The following CLSTN2 variants were observed in gnomAD, a reference collection of about 807,000 sequenced individuals.
The protein encoded by CLSTN2 is calsyntenin 2, also known as calsyntenin-2.
A neutral mutation model predicts 101.2 loss-of-function variants in CLSTN2; 48 were observed. The ratio of observed to expected loss-of-function variants is 0.47; its 90% CI spans 0.38 to 0.60. CLSTN2 has a LOEUF of 0.60. Among genes scored for constraint, CLSTN2 ranks in the 20% least tolerant of loss-of-function variants. The pLI is 0.00. For synonymous variants in CLSTN2, 481 were observed against 463.6 expected (o/e 1.04, Z -0.48); for missense variants, 1,160 against 1,238.2 (o/e 0.94, Z 0.95).
At chr3:140,546,478 G>T in intron 9 of CLSTN2, 37 bp from the exon 10 acceptor site, 1 of 1,604,106 alleles carries the variant, frequency 6.2e-7, no homozygotes, top group South Asian at 1.1e-5. Flanking sequence ...TTCCTACCCA[G>T]TCTTCACAGG....
At position 140,466,743 on chromosome 3, in the gene CLSTN2, AC is replaced by A; in HGVS notation, c.1344+14del. The A allele has an allele frequency of 1.9e-6, 3 of 1,613,566 alleles. No homozygotes were observed. Among genetic ancestry groups the A allele is most frequent in the Non-Finnish European group, 2.5e-6 (3 of 1,179,936 alleles). ...GGAAGCTGGATCAGGTATGGTGCTC[AC>A]CTCACACCTGCTGCTACTCATGCCT... On this transcript the variant is annotated intron_variant, in intron 8 of 16. Coordinates refer to ENST00000458420, the MANE Select transcript of CLSTN2 (RefSeq NM_022131.3).
At chr3:140,243,488 G>C (rs2086488864) in intron 2 of CLSTN2, among the ~76,000 whole-genome samples, 1 of 152,212 alleles carries the variant, frequency 6.6e-6, no homozygotes, top group South Asian at 2.1e-4. Flanking sequence ...ACATGGGAAA[G>C]AAGAGGGAGG....
intron 8 of CLSTN2, among the ~76,000 whole-genome samples, chr3:140,510,630 C>T (rs937849790): frequency 6.6e-6 from 1 of 152,220 alleles, no homozygotes; most frequent in Admixed American, 6.5e-5. Flanking sequence ...CCCCTGCACT[C>T]CAGCACCCTG....
At chr3:140,114,582 C>T (rs1267553674) in intron 1 of CLSTN2, among the ~76,000 whole-genome samples, 1 of 152,042 alleles carries the variant, frequency 6.6e-6, no homozygotes, top group Non-Finnish European at 1.5e-5. Context: ...TTGTAAGATC[C>T]AGCTGATTGC....
chr3:140,158,996 G>T (rs960941988), intron 1 of CLSTN2, among the ~76,000 whole-genome samples: 1 of 152,110 alleles, frequency 6.6e-6, no homozygotes, highest in African/African-American at 2.4e-5. Flanking sequence ...AATGAAACTG[G>T]ACCCCTACCT....
chr3:140,558,624 G>T lies in CLSTN2; in HGVS notation c.1824-16G>T. 1 of 1,605,264 alleles carries T rather than the reference G, an allele frequency of 6.2e-7. No individual in the cohort carries two copies. Among genetic ancestry groups the T allele is most frequent in the Non-Finnish European group, 8.5e-7 (1 of 1,172,792 alleles). On this transcript the variant is annotated splice_polypyrimidine_tract_variant and intron_variant, in intron 11 of 16. Transcript: ENST00000458420. ...TTGTTTGCTCATCAGTGCCATGACC[G>T]AGAATGTTTTCCCAGGTGCTTTGGG...
At chr3:140,100,452 T>C (rs545118348) in intron 1 of CLSTN2, among the ~76,000 whole-genome samples, 4 of 152,262 alleles carry the variant, frequency 2.6e-5, no homozygotes, top group Admixed American at 6.5e-5. Context: ...ATCAAGAAAA[T>C]GATTTAAAAT....
chr3:140,191,008 G>A lies in CLSTN2; in HGVS notation c.232+14935G>A, dbSNP rs570354439. Among the ~76,000 whole-genome samples the A allele has an allele frequency of 8.5e-5, 13 of 152,200 alleles. No homozygotes were observed. In the South Asian group the frequency reaches 2.5e-3, roughly 29 times the overall value. On this transcript the variant is annotated intron_variant, in intron 2 of 16. Transcript: ENST00000458420. ...GCCTTGTTCCCAGTCTCAGGGGAAA[G>A]CATATTCAGTCTTTCACCAGTAAAT...
At chr3:140,564,259 C>A (rs1356985028) in intron 16 of CLSTN2, 114 bp downstream of exon 16, 1 of 874,096 alleles carries the variant, frequency 1.1e-6, no homozygotes, top group Non-Finnish European at 1.8e-6. Flanking sequence ...AGCCCTGCCC[C>A]ATCTAGTCCA....
intron 1 of CLSTN2, among the ~76,000 whole-genome samples, chr3:140,166,971 C>G (rs908308508): frequency 6.6e-6 from 1 of 152,168 alleles, no homozygotes; most frequent in Non-Finnish European, 1.5e-5. Flanking sequence ...TAACCTCGCT[C>G]TGTTGGAACA....
At chr3:140,031,205 A>G (rs563306273) in intron 1 of CLSTN2, among the ~76,000 whole-genome samples, 84 of 152,342 alleles carry the variant, frequency 5.5e-4, no homozygotes, top group Non-Finnish European at 8.8e-4. Context: ...TGGTTATGTT[A>G]TAAATCAAAC....
intron 7 of CLSTN2, among the ~76,000 whole-genome samples, chr3:140,460,009 C>T (rs376293068): frequency 1.3e-5 from 2 of 152,260 alleles, no homozygotes; most frequent in East Asian, 3.9e-4. Flanking sequence ...AAGGATGTAA[C>T]AGCTGGAATC....
At chr3:140,375,584 G>T (rs148743891) in intron 2 of CLSTN2, among the ~76,000 whole-genome samples, 10 of 152,100 alleles carry the variant, frequency 6.6e-5, no homozygotes, top group African/African-American at 2.4e-4. Flanking sequence ...TTTGTTTCTT[G>T]TATTTTAATT....
At chr3:140,175,111 C>A (rs921228984) in intron 1 of CLSTN2, among the ~76,000 whole-genome samples, 1 of 152,080 alleles carries the variant, frequency 6.6e-6, no homozygotes, top group African/African-American at 2.4e-5. Context: ...GATGCGGAAC[C>A]ACCCTAATGA....
At chr3:140,034,374 C>T (rs2007615106) in intron 1 of CLSTN2, among the ~76,000 whole-genome samples, 1 of 152,106 alleles carries the variant, frequency 6.6e-6, no homozygotes, top group Admixed American at 6.5e-5. Flanking sequence ...ACTGGGATGT[C>T]ATCATTTTGT....
intron 2 of CLSTN2, among the ~76,000 whole-genome samples, chr3:140,273,745 C>G (rs2086765782): frequency 6.6e-6 from 1 of 152,154 alleles, no homozygotes; most frequent in Admixed American, 6.5e-5. Context: ...TCTACTGACT[C>G]ATAGTGGTGG....
chr3:140,556,966 G>C lies in CLSTN2; in HGVS notation c.1823+305G>C, dbSNP rs530116195. 9 of 306,436 alleles carry C rather than the reference G, an allele frequency of 2.9e-5. No individual in the cohort carries two copies. The South Asian group carries it at 4.4e-4, about 15-fold the overall frequency. The allele number at this position is 306,436 out of a possible 1,614,324, so 19.0% of individuals were successfully genotyped here. On this transcript the variant is annotated intron_variant, in intron 11 of 16. Coordinates refer to ENST00000458420, the MANE Select transcript of CLSTN2 (RefSeq NM_022131.3). ...GGAATTTGAAGTGATCTGGGTGTGC[G>C]TTTGAAGTGTTCTGATTTAAGGGCG...
In CLSTN2 at chr3:140,544,768, C is replaced by G. The variant is rs112399104; in HGVS notation, c.1508-1747C>G. 4.6e-5 allele frequency among the ~76,000 whole-genome samples: 7 copies of G among 151,796 alleles called. 1 individual carries two copies. Among genetic ancestry groups the G allele is most frequent in the African/African-American group, 1.7e-4 (7 of 41,394 alleles). On this transcript the variant is annotated intron_variant, in intron 9 of 16. Coordinates refer to ENST00000458420, the MANE Select transcript of CLSTN2 (RefSeq NM_022131.3). ...GAGAGAGGGTATGCAGGGGAGGGGT[C>G]CCAGGAGAGGGAGACACATGGTGGG...
chr3:140,561,044 AACTT>A (rs1449801212), intron 12 of CLSTN2, among the ~76,000 whole-genome samples: 1 of 151,690 alleles, frequency 6.6e-6, no homozygotes, highest in African/African-American at 2.4e-5. Flanking sequence ...ATCATTTAAA[AACTT>A]AAAAGATAAT....
Sources: gnomAD v4.1 joint callset for allele counts (sites outside exome capture counted in the v4.1 genomes callset) on GRCh38, gnomAD v4.1.1 for gene constraint, MANE v1.5 for transcripts, NCBI Gene and HGNC (gene_info 2026-07-23, HGNC 2026-07-21) for gene names.